The following DOCK4 variants were observed in gnomAD, a reference collection of about 807,000 sequenced individuals.
The protein encoded by DOCK4 is dedicator of cytokinesis 4.
DOCK4 carries 97 observed loss-of-function variants against 268.1 expected under a neutral mutation model. That is an observed-to-expected ratio of 0.36 (90% CI 0.31 to 0.43). DOCK4 has a LOEUF of 0.43. Ranked by LOEUF, DOCK4 falls within the 20% of genes least tolerant of loss-of-function variation. The pLI is 1.00. For missense variants in DOCK4, 2,145 were observed against 2,455.7 expected (o/e 0.87, Z 2.67); for synonymous variants, 954 against 887.2 (o/e 1.08, Z -1.34).
chr7:111,924,713 C>G (rs1167390798), intron 12 of DOCK4, among the ~76,000 whole-genome samples: 3 of 152,060 alleles, frequency 2.0e-5, no homozygotes, highest in African/African-American at 7.2e-5. Context: ...AAGGCCAGTT[C>G]AAGACCAACC....
chr7:111,744,582 C>A (rs1380988815), intron 44 of DOCK4, among the ~76,000 whole-genome samples: 1 of 152,210 alleles, frequency 6.6e-6, no homozygotes, highest in African/African-American at 2.4e-5. Flanking sequence ...CCCTGAGCTA[C>A]CATTTAATTC....
chr7:111,994,896 C>T (rs748406297), intron 4 of DOCK4, among the ~76,000 whole-genome samples: 8 of 151,832 alleles, frequency 5.3e-5, no homozygotes, highest in Non-Finnish European at 1.0e-4. Flanking sequence ...ATTAGAGTAA[C>T]GTAGTCTTCT....
At chr7:111,863,013 C>T (rs1376073827) in intron 23 of DOCK4, 2 of 227,350 alleles carry the variant, frequency 8.8e-6, no homozygotes, top group Non-Finnish European at 1.8e-5. Flanking sequence ...AAGTAAAAAA[C>T]AACAATAATG....
chr7:111,898,162 T>C (rs760833990), intron 15 of DOCK4, among the ~76,000 whole-genome samples: 2 of 152,182 alleles, frequency 1.3e-5, no homozygotes, highest in Non-Finnish European at 2.9e-5. Flanking sequence ...GTCCTCATCA[T>C]GAAATAAAAG....
At chr7:111,815,020 T>C (rs1038170116) in intron 27 of DOCK4, among the ~76,000 whole-genome samples, 1 of 152,236 alleles carries the variant, frequency 6.6e-6, no homozygotes, top group Non-Finnish European at 1.5e-5. Context: ...ACTTTTACAG[T>C]TCCTATAGTA....
intron 1 of DOCK4, among the ~76,000 whole-genome samples, chr7:112,106,504 G>C (rs1476742667): frequency 4.6e-5 from 7 of 152,046 alleles, no homozygotes; most frequent in African/African-American, 1.7e-4. Flanking sequence ...GTATTTGATA[G>C]AGCATCCAGG....
At chr7:111,992,463 A>C (rs1330155099) in intron 5 of DOCK4, among the ~76,000 whole-genome samples, 6 of 152,198 alleles carry the variant, frequency 3.9e-5, no homozygotes, top group African/African-American at 1.2e-4. Context: ...TCTGAGTTAA[A>C]CTTAATATTT....
chr7:111,830,038 A>C (rs925486363), intron 26 of DOCK4, among the ~76,000 whole-genome samples: 3 of 152,232 alleles, frequency 2.0e-5, no homozygotes, highest in Non-Finnish European at 4.4e-5. Context: ...GACAAGTGTT[A>C]TTATCTTTGA....
At chr7:111,797,134 G>A (rs1036628393) in intron 30 of DOCK4, among the ~76,000 whole-genome samples, 3 of 152,156 alleles carry the variant, frequency 2.0e-5, no homozygotes, top group Non-Finnish European at 2.9e-5. Context: ...ACCTGAGAAC[G>A]TTAAAGAGAA....
intron 3 of DOCK4, 28 bp downstream of exon 3, chr7:112,000,466 A>G: frequency 7.8e-7 from 1 of 1,279,434 alleles, no homozygotes; most frequent in African/African-American, 1.5e-5. Flanking sequence ...TAAATTTCAT[A>G]ATTATAGTTA....
At chr7:111,875,429 T>G (rs542051337) in intron 17 of DOCK4, among the ~76,000 whole-genome samples, 1 of 152,322 alleles carries the variant, frequency 6.6e-6, no homozygotes, top group East Asian at 1.9e-4. Context: ...TGGAAGAGAA[T>G]CTATTGTTAG....
intron 1 of DOCK4, among the ~76,000 whole-genome samples, chr7:112,083,291 A>G (rs959851908): frequency 3.9e-5 from 6 of 152,056 alleles, no homozygotes; most frequent in Non-Finnish European, 8.8e-5. Context: ...AGGCTCTCAC[A>G]TCTATCATCT....
Position 111,811,966 on chromosome 7 carries a change from T to A in DOCK4, c.2931-17A>T, listed in dbSNP as rs775575869. ...ATAATAACACTAGTGATAAAAAAAA[T>A]GACAAGGTGAAAACTTCATATTAGT... On this transcript the variant is annotated splice_polypyrimidine_tract_variant and intron_variant, in intron 27 of 52. Coordinates refer to ENST00000428084, the MANE Select transcript of DOCK4 (RefSeq NM_001363540.2). 7.2e-7 allele frequency: 1 copy of A among 1,391,084 alleles called. No homozygotes were observed. Among genetic ancestry groups the A allele is most frequent in the South Asian group, 1.3e-5 (1 of 75,252 alleles). The allele number at this position is 1,391,084 out of a possible 1,614,324, so 86.2% of individuals were successfully genotyped here.
intron 1 of DOCK4, among the ~76,000 whole-genome samples, chr7:112,166,784 A>C (rs1017838252): frequency 5.3e-5 from 8 of 152,246 alleles, no homozygotes; most frequent in South Asian, 2.1e-4. Context: ...CTTAGGTGAT[A>C]ATAGTTGCAT....
intron 1 of DOCK4, among the ~76,000 whole-genome samples, chr7:112,137,486 T>C (rs998820619): frequency 1.1e-4 from 16 of 152,228 alleles, no homozygotes; most frequent in Non-Finnish European, 2.4e-4. Context: ...TTTCCATCTA[T>C]TCTAAGACAT....
intron 23 of DOCK4, among the ~76,000 whole-genome samples, chr7:111,858,126 T>C (rs1299033569): frequency 1.3e-5 from 2 of 152,180 alleles, no homozygotes; most frequent in Non-Finnish European, 2.9e-5. Flanking sequence ...CCAGAGACCC[T>C]TAATGCAACC....
intron 16 of DOCK4, among the ~76,000 whole-genome samples, chr7:111,894,942 G>C (rs1410484243): frequency 6.6e-6 from 1 of 152,156 alleles, no homozygotes; most frequent in East Asian, 1.9e-4. Context: ...GAGTTGATAA[G>C]GGCCTCACTA....
At chr7:111,876,935 T>C in intron 17 of DOCK4, 95 bp downstream of exon 17, 1 of 1,153,772 alleles carries the variant, frequency 8.7e-7, no homozygotes, top group Non-Finnish European at 1.1e-6. Flanking sequence ...TTTTCTAAAG[T>C]TCTTAACTAT....
chr7:111,861,757 A>AT (rs1805547602), intron 23 of DOCK4, among the ~76,000 whole-genome samples: 8 of 138,178 alleles, frequency 5.8e-5, no homozygotes, highest in Admixed American at 7.2e-5. Context: ...AAAAAAAAAA[A>AT]AAATAATAAT....
Sources: gnomAD v4.1 joint callset for allele counts (sites outside exome capture counted in the v4.1 genomes callset) on GRCh38, gnomAD v4.1.1 for gene constraint, MANE v1.5 for transcripts, NCBI Gene and HGNC (gene_info 2026-07-23, HGNC 2026-07-21) for gene names.